The following MAST4 variants were observed in gnomAD, a reference collection of about 807,000 sequenced individuals.
MAST4 encodes the protein microtubule associated serine/threonine kinase family member 4, also known as microtubule-associated serine/threonine-protein kinase 4.
MAST4 carries 89 observed loss-of-function variants against 162.7 expected under a neutral mutation model. The ratio of observed to expected loss-of-function variants is 0.55; its 90% confidence interval spans 0.46 to 0.65. The LOEUF (loss-of-function observed/expected upper bound fraction) is 0.65, where lower values mean the gene tolerates loss of function less well. MAST4 is among the 30% of genes least tolerant of loss of function. The pLI, the probability that MAST4 is intolerant of heterozygous loss-of-function variation, is 0.00. For missense variants in MAST4, 3,153 were observed against 3,374.0 expected (o/e 0.93, Z 1.62); for synonymous variants, 1,479 against 1,361.1 (o/e 1.09, Z -1.91).
chr5:66,852,658 T>C (rs1401622615), intron 3 of MAST4, among the ~76,000 whole-genome samples: 1 of 152,168 alleles, frequency 6.6e-6, no homozygotes, highest in Admixed American at 6.5e-5. Flanking sequence ...GACTGTACTT[T>C]TGGCTACATT....
At chr5:66,900,602 A>G (rs1762947421) in intron 4 of MAST4, among the ~76,000 whole-genome samples, 1 of 152,072 alleles carries the variant, frequency 6.6e-6, no homozygotes, top group South Asian at 2.1e-4. Context: ...AGAATTAACT[A>G]CCCTCAATTA....
intron 4 of MAST4, among the ~76,000 whole-genome samples, chr5:67,020,783 A>C (rs1389420262): frequency 1.3e-5 from 2 of 152,164 alleles, no homozygotes; most frequent in Non-Finnish European, 2.9e-5. Flanking sequence ...TTTTTGTACC[A>C]TAAGTAAAAT....
intron 5 of MAST4, among the ~76,000 whole-genome samples, chr5:67,087,421 C>T (rs901597870): frequency 5.3e-5 from 8 of 152,164 alleles, no homozygotes; most frequent in Non-Finnish European, 1.0e-4. Context: ...TCTCTTGCCT[C>T]CAAGTATTTC....
chr5:66,839,569 C>T (rs1758272038), intron 3 of MAST4, among the ~76,000 whole-genome samples: 2 of 151,966 alleles, frequency 1.3e-5, no homozygotes, highest in East Asian at 1.9e-4. Flanking sequence ...ATAATATGTC[C>T]AGCTTTGAAG....
chr5:66,825,574 C>T (rs973650584), intron 3 of MAST4, among the ~76,000 whole-genome samples: 1 of 152,094 alleles, frequency 6.6e-6, no homozygotes, highest in Admixed American at 6.5e-5. Flanking sequence ...TTCAACCAAA[C>T]GTTTTCTTTC....
At chr5:66,926,574 A>G (rs1038268769) in intron 4 of MAST4, among the ~76,000 whole-genome samples, 1 of 151,768 alleles carries the variant, frequency 6.6e-6, no homozygotes, top group Non-Finnish European at 1.5e-5. Flanking sequence ...CTCTATATAT[A>G]TACACACACA....
chr5:66,954,080 T>G (rs1466764560), intron 4 of MAST4, among the ~76,000 whole-genome samples: 3 of 152,116 alleles, frequency 2.0e-5, no homozygotes, highest in African/African-American at 7.2e-5. Context: ...ACTTCCACCT[T>G]GTCATATATA....
chr5:66,693,798 A>T (rs991385871), intron 1 of MAST4, among the ~76,000 whole-genome samples: 2 of 148,760 alleles, frequency 1.3e-5, no homozygotes, highest in Non-Finnish European at 3.0e-5. Flanking sequence ...AGCAAAAAAA[A>T]CTGTAAGTGT....
intron 3 of MAST4, among the ~76,000 whole-genome samples, chr5:66,848,124 G>T (rs1344706022): frequency 6.6e-6 from 1 of 151,994 alleles, no homozygotes; most frequent in African/African-American, 2.4e-5. Flanking sequence ...GTTTTAATTT[G>T]CTTACTATTT....
At chr5:66,842,443 C>T (rs1476425190) in intron 3 of MAST4, among the ~76,000 whole-genome samples, 2 of 152,066 alleles carry the variant, frequency 1.3e-5, no homozygotes, top group African/African-American at 2.4e-5. Context: ...TGGCTCCTTC[C>T]CCTACCCCCT....
rs538010473 is a variant in MAST4 at position 66,617,832 on chromosome 5, G to A, written c.363+20814G>A. Among the ~76,000 whole-genome samples, 16 of 152,246 alleles carry A rather than the reference G, an allele frequency of 1.1e-4. No homozygotes were observed. The East Asian group carries it at 2.9e-3, about 28-fold the overall frequency. ...CATTAACAAAGTAAAACATCAACGC[G>A]TACTAATAAAGGGAGAAAGACAATG... On this transcript the variant is annotated intron_variant, in intron 1 of 28. Transcript: ENST00000403625.
intron 4 of MAST4, among the ~76,000 whole-genome samples, chr5:66,939,973 A>G (rs1743186687): frequency 1.3e-5 from 2 of 152,138 alleles, no homozygotes; most frequent in African/African-American, 4.8e-5. Context: ...AGTCTAGGGC[A>G]GGAGGATGCC....
At chr5:66,923,280 C>G (rs961958327) in intron 4 of MAST4, among the ~76,000 whole-genome samples, 1 of 152,144 alleles carries the variant, frequency 6.6e-6, no homozygotes, top group African/African-American at 2.4e-5. Context: ...TTAAAAGAAA[C>G]GCTGGGTATT....
chr5:67,138,768 T>A (rs1420514789), intron 19 of MAST4, among the ~76,000 whole-genome samples: 1 of 152,150 alleles, frequency 6.6e-6, no homozygotes, highest in Non-Finnish European at 1.5e-5. Context: ...TTACCTGAGG[T>A]CAGGTGTGGA....
intron 1 of MAST4, among the ~76,000 whole-genome samples, chr5:66,606,338 T>G (rs553953819): frequency 3.9e-5 from 6 of 152,358 alleles, no homozygotes; most frequent in African/African-American, 1.2e-4. Context: ...GTATGTTTTC[T>G]TGCCTTATTC....
intron 3 of MAST4, among the ~76,000 whole-genome samples, chr5:66,845,126 T>TACACACACACACACAC (rs1554058478): frequency 6.0e-5 from 4 of 67,172 alleles, no homozygotes; most frequent in African/African-American, 2.2e-4. Context: ...TATATATATA[T>TACACACACACACACAC]ACACACACAC....
chr5:66,964,551 C>T (rs922821292), intron 4 of MAST4, among the ~76,000 whole-genome samples: 1 of 152,162 alleles, frequency 6.6e-6, no homozygotes, highest in African/African-American at 2.4e-5. Flanking sequence ...CCTGTAATCC[C>T]AGCACTTTGG....
At position 66,668,180 on chromosome 5, in the gene MAST4, CT is replaced by C. The variant is rs1747379789; in HGVS notation, c.363+71164del. Among the ~76,000 whole-genome samples the C allele has an allele frequency of 2.0e-5, 3 of 152,270 alleles. No homozygotes were observed. In the South Asian group the frequency reaches 6.2e-4, roughly 32 times the overall value. Reference sequence around the variant, plus strand: ...AATTAGTTATACTTTCTATCTTTGGCTTAATATTCTGTAATTAGATATCAAT... The same window carrying C: ...AATTAGTTATACTTTCTATCTTTGGCTAATATTCTGTAATTAGATATCAAT... On this transcript the variant is annotated intron_variant, in intron 1 of 28. Transcript: ENST00000403625.
At chr5:67,034,578 C>T (rs781066349) in intron 4 of MAST4, among the ~76,000 whole-genome samples, 14 of 152,118 alleles carry the variant, frequency 9.2e-5, no homozygotes, top group Non-Finnish European at 1.5e-4. Flanking sequence ...TCTCACTAAC[C>T]CCAGGACTGC....
Sources: allele counts gnomAD v4.1 joint callset (sites outside exome capture counted in the v4.1 genomes callset), GRCh38; gene constraint gnomAD v4.1.1; transcripts MANE v1.5; gene names NCBI Gene and HGNC (gene_info 2026-07-23, HGNC 2026-07-21).